Variants in ORC1 observed in about 807,000 individuals in gnomAD.
The protein encoded by ORC1 is origin recognition complex subunit 1, also known as origin recognition complex, subunit 1 homolog.
ORC1 carries 61 observed loss-of-function variants against 98.9 expected under a neutral mutation model. That is an observed-to-expected ratio of 0.62 (90% CI 0.50 to 0.76). The LOEUF is 0.76. Among genes scored for constraint, ORC1 ranks in the 30% least tolerant of loss-of-function variants. The pLI, the probability that ORC1 is intolerant of heterozygous loss-of-function variation, is 0.00. For missense variants in ORC1, 979 were observed against 1,072.2 expected (o/e 0.91, Z 1.21); for synonymous variants, 385 against 406.9 (o/e 0.95, Z 0.65).
At position 52,373,003 on chromosome 1, in the gene ORC1, G is replaced by A; in HGVS notation, c.*178C>T. 2 of 698,028 alleles carry A rather than the reference G, an allele frequency of 2.9e-6. No homozygotes were observed. Among genetic ancestry groups the A allele is most frequent in the Non-Finnish European group, 5.2e-6 (2 of 385,426 alleles). 43.2% of individuals were successfully genotyped at this position (698,028 alleles called of 1,614,324 possible). A position where few individuals can be genotyped will look rare whatever the true frequency, so the allele number is the denominator to read the frequency against. On this transcript the variant is annotated 3_prime_UTR_variant, in exon 17 of 17. Transcript: ENST00000371568. ...AAAAATCAGCTGGGCATGGTGGCAT[G>A]TGCCTGTAGTTTCAGCCACCTGGGA... is the stretch of plus-strand genomic sequence containing the variant.
intron 14 of ORC1, among the ~76,000 whole-genome samples, chr1:52,381,407 C>G (rs1356428157): frequency 6.6e-6 from 1 of 152,202 alleles, no homozygotes; most frequent in Non-Finnish European, 1.5e-5. Flanking sequence ...TCATGCAAAA[C>G]TGCTTGCTCC....
At chr1:52,382,296 C>A (rs1647081931) in intron 13 of ORC1, among the ~76,000 whole-genome samples, 1 of 151,664 alleles carries the variant, frequency 6.6e-6, no homozygotes, top group Admixed American at 6.6e-5. Context: ...GGATTATAGG[C>A]ATGAGCCACC....
At chr1:52,404,883 A>T, upstream of ORC1, 1 of 1,613,426 alleles carries the variant, frequency 6.2e-7, no homozygotes, top group East Asian at 2.2e-5. Flanking sequence ...CTTACAGGTA[A>T]GTGGAAGCGC....
chr1:52,393,801 A>G lies in ORC1; in HGVS notation c.724T>C (p.Leu242=). The change falls in exon 6 of 17, where the codon TTA becomes CTA. Residue 242 remains leucine, a splice_region_variant and synonymous_variant. Transcript: ENST00000371568. ...RARKRLELGN[L]GNPQMSQQTS... ...TGCTGGGACATCTGAGGGTTACCTAAGTCTAAGAGAAATCATCACAATGTG... is the reference window on the plus strand; with the variant it reads ...TGCTGGGACATCTGAGGGTTACCTAGGTCTAAGAGAAATCATCACAATGTG... 1 of 1,612,460 alleles carries G rather than the reference A, an allele frequency of 6.2e-7. No homozygotes were observed. The highest frequency in any genetic ancestry group is 1.3e-5 in the African/African-American group (1 of 75,046).
At chr1:52,404,114 G>C (rs1241361334) in intron 1 of ORC1, 132 bp downstream of exon 1, 1 of 153,312 alleles carries the variant, frequency 6.5e-6, no homozygotes, top group Non-Finnish European at 1.5e-5. Flanking sequence ...ACAGTGCCTG[G>C]CACTGAACAG....
At chr1:52,380,076 A>G (rs576227697) in intron 14 of ORC1, among the ~76,000 whole-genome samples, 1 of 152,344 alleles carries the variant, frequency 6.6e-6, no homozygotes, top group Admixed American at 6.5e-5. Flanking sequence ...GCCAAACTGG[A>G]AGACCTCTTC....
chr1:52,408,840 TG>T (rs1423089787), upstream of ORC1: 8 of 978,048 alleles, frequency 8.2e-6, no homozygotes, highest in Non-Finnish European at 1.2e-5. Context: ...TTGTCCCTCA[TG>T]GGAGTTTTCA....
At chr1:52,374,918 G>A in intron 15 of ORC1, 21 bp from the exon 16 acceptor site, 4 of 1,531,356 alleles carry the variant, frequency 2.6e-6, no homozygotes, top group African/African-American at 1.4e-5. Context: ...ACGAGGGGAT[G>A]TGAGTTTTTG....
intron 4 of ORC1, among the ~76,000 whole-genome samples, chr1:52,397,232 G>A (rs1378105332): frequency 3.9e-5 from 6 of 152,084 alleles, no homozygotes; most frequent in Non-Finnish European, 7.3e-5. Context: ...CTCATAACCA[G>A]TGACTTACTT....
chr1:52,395,769 T>C (rs145851392), intron 5 of ORC1, among the ~76,000 whole-genome samples: 15 of 152,298 alleles, frequency 9.8e-5, no homozygotes, highest in African/African-American at 3.4e-4. Context: ...TAAGTCGTGA[T>C]TGTGCCATTG....
At chr1:52,384,917 C>A (rs886519222) in intron 10 of ORC1, among the ~76,000 whole-genome samples, 196 bp from the exon 11 acceptor site, 9 of 152,126 alleles carry the variant, frequency 5.9e-5, no homozygotes, top group African/African-American at 2.2e-4. Context: ...CCACAGTTTG[C>A]ATAATGCTAT....
chr1:52,395,522 A>T (rs1647354015), intron 5 of ORC1, among the ~76,000 whole-genome samples: 1 of 152,156 alleles, frequency 6.6e-6, no homozygotes, highest in African/African-American at 2.4e-5. Context: ...ATTAAACACA[A>T]ACTTTGATAG....
intron 8 of ORC1, among the ~76,000 whole-genome samples, chr1:52,387,409 G>A (rs1300922794): frequency 1.3e-5 from 2 of 152,132 alleles, no homozygotes; most frequent in Admixed American, 1.3e-4. Context: ...GGGGGTCCCT[G>A]GTGCCAAAGG....
Position 52,389,204 on chromosome 1 carries a change from G to A in ORC1, c.1187+13C>T, listed in dbSNP as rs1324770030. ...GCAGCAATGTTTCTCTGCCTGCCAAGGAGTAGTCTTACCGAAGCTGCTGCC... is the reference window on the plus strand; with the variant it reads ...GCAGCAATGTTTCTCTGCCTGCCAAAGAGTAGTCTTACCGAAGCTGCTGCC... On this transcript the variant is annotated intron_variant, in intron 7 of 16. Transcript: ENST00000371568. 1.3e-6 allele frequency: 2 copies of A among 1,585,604 alleles called. No individual in the cohort carries two copies. The highest frequency in any genetic ancestry group is 1.1e-5 in the South Asian group (1 of 90,528).
chr1:52,392,607 C>T (rs1647243628), intron 6 of ORC1, among the ~76,000 whole-genome samples: 1 of 152,180 alleles, frequency 6.6e-6, no homozygotes, highest in Non-Finnish European at 1.5e-5. Context: ...GACACATGCA[C>T]ACGCATGTTT....
At chr1:52,376,784 T>C (rs1178714117) in intron 14 of ORC1, among the ~76,000 whole-genome samples, 2 of 152,042 alleles carry the variant, frequency 1.3e-5, no homozygotes. Flanking sequence ...TCAGTGACAC[T>C]TGGCAACCCT....
intron 5 of ORC1, among the ~76,000 whole-genome samples, chr1:52,394,818 T>C (rs1433185356): frequency 6.6e-6 from 1 of 152,040 alleles, no homozygotes; most frequent in East Asian, 1.9e-4. Context: ...CTGGCTAATT[T>C]TTTGCATTTT....
chr1:52,388,955 T>C (rs1046064652), intron 7 of ORC1, among the ~76,000 whole-genome samples: 10 of 152,134 alleles, frequency 6.6e-5, no homozygotes, highest in African/African-American at 2.4e-4. Context: ...AGAATCCAAG[T>C]TCATGCTCTT....
In ORC1 at chr1:52,395,327, G is replaced by A. The variant is rs77983531; in HGVS notation, c.721+719C>T. 7.8e-3 allele frequency among the ~76,000 whole-genome samples: 1,188 copies of A among 152,238 alleles called. 19 individuals are homozygous for A. The highest frequency in any genetic ancestry group is 0.027 in the African/African-American group (1,130 of 41,550). On this transcript the variant is annotated intron_variant, in intron 5 of 16. Coordinates refer to ENST00000371568, the MANE Select transcript of ORC1 (RefSeq NM_004153.4). The stretch of plus-strand genomic sequence containing the variant: ...ATGTATCTGCTGATTTTTCCAAAAC[G>A]AAACATAGGAAAGATAAACCAGAAA...
Sources: allele counts gnomAD v4.1 joint callset (sites outside exome capture counted in the v4.1 genomes callset), GRCh38; gene constraint gnomAD v4.1.1; transcripts MANE v1.5; gene names NCBI Gene and HGNC (gene_info 2026-07-23, HGNC 2026-07-21).